Variants in ZNF317 observed in about 807,000 individuals in gnomAD.
ZNF317 encodes zinc finger protein 317.
ZNF317 carries 17 observed loss-of-function variants against 23.4 expected under a neutral mutation model. The ratio of observed to expected loss-of-function variants is 0.73; its 90% CI spans 0.50 to 1.09. The LOEUF (loss-of-function observed/expected upper bound fraction) is 1.09. ZNF317 is among the 50% of genes least tolerant of loss of function. The pLI, the probability that ZNF317 is intolerant of heterozygous loss-of-function variation, is 0.00. For missense variants in ZNF317, 679 were observed against 796.7 expected, an observed-to-expected ratio of 0.85 and a Z score of 1.78; for synonymous variants, 317 against 314.9, an observed-to-expected ratio of 1.01 and a Z score of -0.07.
Position 9,157,319 on chromosome 19 carries a change from C to T in ZNF317, c.214C>T (p.Pro72Ser). Residue 72 changes from proline to serine, a missense_variant, in exon 4 of 7, where the codon CCC (proline) becomes TCC (serine). Physicochemically the swap from Pro to Ser is moderately conservative, Grantham distance 74. Transcript: ENST00000247956. Reference protein sequence around the residue: ...VAVDFTEKEWPLLDSSQRKLY... With the variant: ...VAVDFTEKEWSLLDSSQRKLY... ...TGTGGACTTTACCGAGAAGGAGTGG[C>T]CCTTGCTGGATTCTTCTCAGAGAAA... The T allele has an allele frequency of 4.3e-6, 7 of 1,614,020 alleles. No homozygotes were observed. Among genetic ancestry groups the T allele is most frequent in the Non-Finnish European group, 5.9e-6 (7 of 1,179,956 alleles).
Position 9,161,068 on chromosome 19 carries a change from G to A in ZNF317, c.1423G>A (p.Glu475Lys), listed in dbSNP as rs754588125. The A allele has an allele frequency of 7.4e-6, 12 of 1,614,088 alleles. No individual in the cohort carries two copies. The highest frequency in any genetic ancestry group is 1.0e-5 in the Non-Finnish European group (12 of 1,180,054). The change falls in exon 7 of 7, where the codon GAA (glutamate) becomes AAA (lysine). Residue 475 changes from glutamate to lysine, a missense_variant. Transcript: ENST00000247956. The surrounding 1 kb of genome is among the most constrained non-coding windows in gnomAD (Gnocchi z 4.0). Reference sequence around the variant, plus strand: ...GATACACACGCAAGAGAGACGCTACGAATGCGCCGCCTGCGGGAAAGTCTT... The same window carrying A: ...GATACACACGCAAGAGAGACGCTACAAATGCGCCGCCTGCGGGAAAGTCTT... Reference protein sequence around the residue: ...RKIHTQERRYECAACGKVFGD... With the variant: ...RKIHTQERRYKCAACGKVFGD...
chr19:9,157,742 T>G, intron 4 of ZNF317: 3 of 1,144,404 alleles, frequency 2.6e-6, no homozygotes, highest in Non-Finnish European at 3.4e-6. Context: ...TTGCCCAGAC[T>G]GATCTTGAAC....
At chr19:9,149,618 G>A (rs1285274012) in intron 1 of ZNF317, among the ~76,000 whole-genome samples, 1 of 152,034 alleles carries the variant, frequency 6.6e-6, no homozygotes, top group African/African-American at 2.4e-5. Context: ...AGACCCTGAG[G>A]TGGGAGCATG....
chr19:9,161,096 G>T lies in ZNF317; in HGVS notation c.1451G>T (p.Gly484Val). 6.2e-7 allele frequency: 1 copy of T among 1,614,230 alleles called. No homozygotes were observed. Among genetic ancestry groups the T allele is most frequent in the East Asian group, 2.2e-5 (1 of 44,868 alleles). ...TGCGCCGCCTGCGGGAAAGTCTTCGGTGACTATTTATCCCGGCGGAGGCAC... is the reference window on the plus strand; with the variant it reads ...TGCGCCGCCTGCGGGAAAGTCTTCGTTGACTATTTATCCCGGCGGAGGCAC... Reference protein sequence around the residue: ...YECAACGKVFGDYLSRRRHMS... With the variant: ...YECAACGKVFVDYLSRRRHMS... Residue 484 changes from glycine to valine, a missense_variant, in exon 7 of 7, where the codon GGT becomes GTT. Gly to Val is a moderately radical substitution (Grantham distance 109, BLOSUM62 -3). Coordinates refer to ENST00000247956, the MANE Select transcript of ZNF317 (RefSeq NM_020933.5). This position sits in a 1 kb window ranked among gnomAD's most constrained non-coding sequence, Gnocchi z 4.0.
chr19:9,143,112 G>A (rs1040391519), intron 1 of ZNF317, among the ~76,000 whole-genome samples: 2 of 152,128 alleles, frequency 1.3e-5, no homozygotes, highest in African/African-American at 4.8e-5. Context: ...TTGTTATGAT[G>A]AGTAAAATTT....
At chr19:9,152,777 C>T (rs555065070) in intron 1 of ZNF317, among the ~76,000 whole-genome samples, 1 of 152,332 alleles carries the variant, frequency 6.6e-6, no homozygotes, top group Admixed American at 6.5e-5. Context: ...CATCCCAAAA[C>T]CATCCCCCCT....
At position 9,151,907 on chromosome 19, in the gene ZNF317, C is replaced by CTTTT. The variant is rs57588267; in HGVS notation, c.-92-4004_-92-4001dup. ...ACCAGTGAAGCCCCTTGGTCCTGGA[C>CTTTT]TTTTTTTTTTTTTTTTTGAGACGGA... On this transcript the variant is annotated intron_variant, in intron 1 of 6. Transcript: ENST00000247956. Among the ~76,000 whole-genome samples the CTTTT allele has an allele frequency of 1.4e-3, 175 of 128,770 alleles. 6 individuals carry two copies. Among genetic ancestry groups the CTTTT allele is most frequent in the African/African-American group, 2.7e-3 (91 of 33,532 alleles). 84.5% of individuals were successfully genotyped at this position (128,770 alleles called of 152,430 possible). A position where few individuals can be genotyped will look rare whatever the true frequency, so the allele number is the denominator to read the frequency against.
intron 1 of ZNF317, among the ~76,000 whole-genome samples, chr19:9,148,231 T>C (rs1486981817): frequency 6.6e-6 from 1 of 152,204 alleles, no homozygotes; most frequent in Non-Finnish European, 1.5e-5. Flanking sequence ...GAGAATGGAC[T>C]AATACACCAT....
rs749074267 is a variant in ZNF317 at position 9,160,296 on chromosome 19, C to T, written c.651C>T (p.Asp217=). 6.8e-6 allele frequency: 11 copies of T among 1,614,106 alleles called. No homozygotes were observed. Among genetic ancestry groups the T allele is most frequent in the South Asian group, 2.2e-5 (2 of 91,082 alleles). ...TCACTCAGCACATGAGCATGTACGA[C>T]GGGAGAAAAATGCATGAATGTCATC... is the stretch of plus-strand genomic sequence containing the variant. ...PHLTQHMSMY[D]GRKMHECHQC... is the part of the protein sequence containing the mutation. The change falls in exon 7 of 7, where the codon GAC becomes GAT. Residue 217 remains aspartate, a synonymous_variant. Coordinates refer to ENST00000247956, the MANE Select transcript of ZNF317 (RefSeq NM_020933.5). This position sits in a 1 kb window ranked among gnomAD's most constrained non-coding sequence, Gnocchi z 6.8.
chr19:9,156,803 C>T, intron 3 of ZNF317, 55 bp downstream of exon 3: 1 of 1,584,774 alleles, frequency 6.3e-7, no homozygotes, highest in South Asian at 1.1e-5. Context: ...TGGAAGACCC[C>T]ACCAGTGCAT....
chr19:9,150,129 T>C lies in ZNF317; in HGVS notation c.-92-5796T>C, dbSNP rs148464716. 7.2e-3 allele frequency among the ~76,000 whole-genome samples: 1,093 copies of C among 152,212 alleles called. 4 individuals carry two copies. Among genetic ancestry groups the C allele is most frequent in the Non-Finnish European group, 0.011 (741 of 67,998 alleles). ...ACAGTTGTAGGTGTTTAATGTGGGA[T>C]CCTGTTGGCTGTTGCAGTAGGGATA... On this transcript the variant is annotated intron_variant, in intron 1 of 6. Transcript: ENST00000247956.
intron 1 of ZNF317, among the ~76,000 whole-genome samples, chr19:9,147,943 C>T (rs1045707238): frequency 2.0e-5 from 3 of 152,136 alleles, no homozygotes; most frequent in Non-Finnish European, 2.9e-5. Context: ...GGCTTAGCAC[C>T]ATCCCCCTTG....
intron 1 of ZNF317, among the ~76,000 whole-genome samples, chr19:9,142,884 C>T (rs2050646821): frequency 6.6e-6 from 1 of 152,108 alleles, no homozygotes; most frequent in Admixed American, 6.5e-5. Context: ...TGAAATGTTC[C>T]TTTTCTGTTT....
chr19:9,156,293 A>C (rs1191046031), intron 2 of ZNF317, among the ~76,000 whole-genome samples: 1 of 152,056 alleles, frequency 6.6e-6, no homozygotes, highest in Admixed American at 6.6e-5. Context: ...ACCCTGAGTT[A>C]TCTCATTTAT....
In ZNF317 at chr19:9,161,704, G is replaced by A; in HGVS notation, c.*271G>A. ...CTTAACAAACACAGGAGGACTTAAT[G>A]GCAGCTTGGCATTTAATGTCAAAAT... On this transcript the variant is annotated 3_prime_UTR_variant, in exon 7 of 7. Coordinates refer to ENST00000247956, the MANE Select transcript of ZNF317 (RefSeq NM_020933.5). The surrounding 1 kb of genome is among the most constrained non-coding windows in gnomAD (Gnocchi z 4.0). The A allele has an allele frequency of 2.5e-6, 1 of 399,666 alleles. No homozygotes were observed. Among genetic ancestry groups the A allele is most frequent in the Non-Finnish European group, 4.5e-6 (1 of 223,246 alleles). The allele number at this position is 399,666 out of a possible 1,614,324, so 24.8% of individuals were successfully genotyped here.
intron 1 of ZNF317, among the ~76,000 whole-genome samples, chr19:9,145,570 C>A (rs17002039): frequency 6.6e-6 from 1 of 151,956 alleles, no homozygotes; most frequent in African/African-American, 2.4e-5. Context: ...TTCTTTTTAC[C>A]GTTGGTATTA....
chr19:9,155,902 C>T (rs1337096241), intron 1 of ZNF317, 23 bp from the exon 2 acceptor site: 26 of 1,327,828 alleles, frequency 2.0e-5, no homozygotes, highest in Admixed American at 5.1e-5. Flanking sequence ...TCACTACTCC[C>T]GATGTTCTTT....
chr19:9,159,549 T>TTG (rs1326545592), intron 6 of ZNF317, among the ~76,000 whole-genome samples: 1 of 149,126 alleles, frequency 6.7e-6, no homozygotes, highest in East Asian at 2.0e-4. Flanking sequence ...GTTTTTGTTT[T>TTG]TTGTTTTTTT....
At chr19:9,159,824 G>A (rs2050827256) in intron 6 of ZNF317, among the ~76,000 whole-genome samples, 1 of 152,234 alleles carries the variant, frequency 6.6e-6, no homozygotes, top group Non-Finnish European at 1.5e-5. Flanking sequence ...TGGGATGACA[G>A]GCGTGAGCCA....
Sources: gnomAD v4.1 joint callset for allele counts (sites outside exome capture counted in the v4.1 genomes callset) on GRCh38, gnomAD v4.1.1 for gene constraint, Gnocchi (gnomAD v3.1) non-coding constraint, MANE v1.5 for transcripts, NCBI Gene and HGNC (gene_info 2026-07-23, HGNC 2026-07-21) for gene names.